SCPEP1: variants seen among roughly 807,000 people sequenced by gnomAD.
SCPEP1 encodes the protein serine carboxypeptidase 1.
Under a neutral mutation model 63.8 loss-of-function variants are expected in SCPEP1, and 51 were observed. The ratio of observed to expected loss-of-function variants is 0.80; its 90% CI spans 0.64 to 1.01. The LOEUF is 1.01. Ranked by LOEUF, SCPEP1 falls within the 50% of genes least tolerant of loss-of-function variation. SCPEP1 has a pLI of 0.00. For synonymous variants in SCPEP1, 204 were observed against 207.8 expected (o/e 0.98, Z 0.16); for missense variants, 499 against 554.9 (o/e 0.90, Z 1.01).
At chr17:56,995,765 G>C in intron 8 of SCPEP1, 130 bp downstream of exon 8, 2 of 1,013,142 alleles carry the variant, frequency 2.0e-6, no homozygotes, top group Non-Finnish European at 2.7e-6. Flanking sequence ...ATTGCATGCT[G>C]GATAATAAAT....
In SCPEP1 at chr17:56,998,416, A is replaced by G. The variant is rs781321053; in HGVS notation, c.912A>G (p.Leu304=). 2.5e-6 allele frequency: 4 copies of G among 1,614,078 alleles called. No homozygotes were observed. In the East Asian group the frequency reaches 8.9e-5, roughly 36 times the overall value. The change falls in exon 10 of 13, where the codon CTA becomes CTG. Residue 304 remains leucine (L), a synonymous_variant. Coordinates refer to ENST00000262288, the MANE Select transcript of SCPEP1 (RefSeq NM_021626.3). The part of the protein sequence containing the change: ...VCLCQRHVRH[L]QRDALSQLMN... ...TTTGTCAGCGCCACGTGAGACACCT[A>G]CAACGAGATGCCTTAAGCCAGCTCA... is the stretch of plus-strand genomic sequence containing the variant.
At chr17:56,996,248 A>G (rs1432192535) in intron 8 of SCPEP1, among the ~76,000 whole-genome samples, 1 of 151,942 alleles carries the variant, frequency 6.6e-6, no homozygotes, top group Non-Finnish European at 1.5e-5. Flanking sequence ...ACACTCGCCC[A>G]GGCTGGAGTG....
At chr17:56,980,788 C>CAAAAAA (rs10716600) in intron 1 of SCPEP1, among the ~76,000 whole-genome samples, 1 of 77,142 alleles carries the variant, frequency 1.3e-5, no homozygotes, top group Non-Finnish European at 2.5e-5. Context: ...GACTTCGTAT[C>CAAAAAA]AAAAAAAAAA....
At chr17:57,001,077 G>T in intron 11 of SCPEP1, 85 bp downstream of exon 11, 1 of 1,420,308 alleles carries the variant, frequency 7.0e-7, no homozygotes, top group Non-Finnish European at 9.9e-7. Context: ...TCAGTCTTGC[G>T]GTGGGTGATG....
rs570171121 is a variant in SCPEP1 at position 56,991,007 on chromosome 17, A to G, written c.547-92A>G. On this transcript the variant is annotated intron_variant, in intron 5 of 12. Coordinates refer to ENST00000262288, the MANE Select transcript of SCPEP1 (RefSeq NM_021626.3). ...GGCTGGTCTTGTATTCCTAGGCTCAAGCGATCCTCCTGCCTAAGCTTCCCA... is the reference window on the plus strand; with the variant it reads ...GGCTGGTCTTGTATTCCTAGGCTCAGGCGATCCTCCTGCCTAAGCTTCCCA... 16 of 936,738 alleles carry G rather than the reference A, an allele frequency of 1.7e-5. No individual in the cohort carries two copies. In the African/African-American group the frequency reaches 1.9e-4, roughly 11 times the overall value. 58.0% of individuals were successfully genotyped at this position (936,738 alleles called of 1,614,324 possible).
chr17:56,981,497 A>G (rs1753911047), intron 2 of SCPEP1, among the ~76,000 whole-genome samples: 1 of 152,092 alleles, frequency 6.6e-6, no homozygotes, highest in Non-Finnish European at 1.5e-5. Flanking sequence ...ACTCCTGATG[A>G]TACATTTGAA....
chr17:56,991,320 G>C (rs752653811), intron 6 of SCPEP1, 149 bp downstream of exon 6: 2 of 704,586 alleles, frequency 2.8e-6, no homozygotes, highest in Non-Finnish European at 5.2e-6. Flanking sequence ...GAAATATAGA[G>C]ACAGAGTGCC....
chr17:56,982,467 GC>G (rs1403568408), intron 2 of SCPEP1, among the ~76,000 whole-genome samples: 1 of 152,188 alleles, frequency 6.6e-6, no homozygotes, highest in Non-Finnish European at 1.5e-5. Context: ...CTGAGGCTCA[GC>G]CCCAGGTGCG....
rs368113114 is a variant in SCPEP1, at chr17:56,981,274, C to G, written c.225+44C>G. The G allele has an allele frequency of 2.7e-5, 44 of 1,609,026 alleles. No homozygotes were observed. In the African/African-American group the frequency reaches 5.5e-4, roughly 20 times the overall value. On this transcript the variant is annotated intron_variant, in intron 2 of 12. Coordinates refer to ENST00000262288, the MANE Select transcript of SCPEP1 (RefSeq NM_021626.3). ...CTGGCCTGAGGTCAAAGCCAAGTCT[C>G]CTCTGTGTGGCTCTTTGCTTGCTTT... is the stretch of plus-strand genomic sequence containing the variant.
At chr17:56,991,878 A>T (rs897656486) in intron 6 of SCPEP1, among the ~76,000 whole-genome samples, 1 of 152,226 alleles carries the variant, frequency 6.6e-6, no homozygotes, top group African/African-American at 2.4e-5. Context: ...AGGAGATGCT[A>T]GTAGCACCGC....
intron 9 of SCPEP1, 187 bp from the exon 10 acceptor site, chr17:56,998,198 C>A: frequency 2.1e-6 from 1 of 478,234 alleles, no homozygotes. Context: ...GTAGTTCCAG[C>A]TACTCGGGAG....
At chr17:56,979,830 A>C (rs1911018927) in intron 1 of SCPEP1, among the ~76,000 whole-genome samples, 2 of 151,958 alleles carry the variant, frequency 1.3e-5, no homozygotes, top group African/African-American at 4.8e-5. Context: ...TCTCACCTCC[A>C]TCATTGTTTC....
Position 57,006,191 on chromosome 17 carries a change from G to C in SCPEP1, c.1315G>C (p.Asp439His). Reference sequence around the variant, plus strand: ...TTTCTAGGTTCCTTCTGACCAAGGGGACATGGCTCTGAAGATGATGAGACT... The same window carrying C: ...TTTCTAGGTTCCTTCTGACCAAGGGCACATGGCTCTGAAGATGATGAGACT... ...AGHMVPSDQG[D>H]MALKMMRLVT... Residue 439 changes from aspartate (D) to histidine (H), a missense_variant, in exon 13 of 13, where the codon GAC (aspartate) becomes CAC (histidine). Transcript: ENST00000262288. 1 of 1,611,454 alleles carries C rather than the reference G, an allele frequency of 6.2e-7. No homozygotes were observed. The highest frequency in any genetic ancestry group is 8.5e-7 in the Non-Finnish European group (1 of 1,178,918).
At chr17:57,005,334 T>C (rs1326050131) in intron 12 of SCPEP1, among the ~76,000 whole-genome samples, 3 of 152,192 alleles carry the variant, frequency 2.0e-5, no homozygotes, top group Non-Finnish European at 4.4e-5. Flanking sequence ...TTCAGGCCCA[T>C]TTCCTGTTGG....
chr17:56,990,464 T>A (rs1425988331), intron 5 of SCPEP1, among the ~76,000 whole-genome samples: 1 of 152,210 alleles, frequency 6.6e-6, no homozygotes, highest in African/African-American at 2.4e-5. Context: ...CTGATGGAGA[T>A]CACTATAGTT....
rs776212979 is a variant in SCPEP1 at position 56,998,490 on chromosome 17, C to T, written c.986C>T (p.Ser329Phe). The T allele has an allele frequency of 1.2e-6, 2 of 1,612,014 alleles. No individual in the cohort carries two copies. The highest frequency in any genetic ancestry group is 1.3e-5 in the African/African-American group (1 of 74,828). The change falls in exon 10 of 13, where the codon TCC becomes TTC. Residue 329 changes from serine to phenylalanine, a missense_variant. Ser to Phe is a radical substitution (Grantham distance 155, BLOSUM62 -2). Coordinates refer to ENST00000262288, the MANE Select transcript of SCPEP1 (RefSeq NM_021626.3). Reference protein sequence around the residue: ...KKLKIIPEDQSWGGQATNVFV... With the variant: ...KKLKIIPEDQFWGGQATNVFV... ...CTCAAAATTATTCCTGAGGATCAAT[C>T]CTGGGGAGGTACTTATATGACCTAA...
intron 12 of SCPEP1, among the ~76,000 whole-genome samples, chr17:57,004,312 T>G (rs931605069): frequency 6.6e-6 from 1 of 152,188 alleles, no homozygotes; most frequent in Non-Finnish European, 1.5e-5. Context: ...GAGGATTGAT[T>G]GAGCCTGAAA....
intron 12 of SCPEP1, among the ~76,000 whole-genome samples, chr17:57,005,489 G>A (rs1597925060): frequency 2.0e-5 from 3 of 152,116 alleles, no homozygotes; most frequent in African/African-American, 4.8e-5. Flanking sequence ...GCCTCCTGGG[G>A]ACTCTTGGCA....
At chr17:56,994,347 T>G (rs1442781917) in intron 6 of SCPEP1, among the ~76,000 whole-genome samples, 2 of 152,268 alleles carry the variant, frequency 1.3e-5, no homozygotes, top group Admixed American at 1.3e-4. Flanking sequence ...TTAATAGTTG[T>G]GAGCTTGTCT....
Sources: allele counts gnomAD v4.1 joint callset (sites outside exome capture counted in the v4.1 genomes callset), GRCh38; gene constraint gnomAD v4.1.1; transcripts MANE v1.5; gene names NCBI Gene and HGNC (gene_info 2026-07-23, HGNC 2026-07-21).